RIPOR2: variants seen among roughly 807,000 people sequenced by gnomAD.
RIPOR2 encodes RHO family interacting cell polarization regulator 2, also known as rho family-interacting cell polarization regulator 2.
RIPOR2 carries 39 observed loss-of-function variants against 114.5 expected under a neutral mutation model. The observed-to-expected ratio is 0.34, with a 90% CI of 0.26 to 0.44. RIPOR2 has a LOEUF of 0.44. Among genes scored for constraint, RIPOR2 ranks in the 20% least tolerant of loss-of-function variants. RIPOR2 has a pLI of 1.00. For missense variants in RIPOR2, 1,007 were observed against 1,255.1 expected, an observed-to-expected ratio of 0.80 and a Z score of 2.99; for synonymous variants, 445 against 484.4, an observed-to-expected ratio of 0.92 and a Z score of 1.07.
At chr6:24,976,138 T>C (rs1482956319) in intron 1 of RIPOR2, among the ~76,000 whole-genome samples, 1 of 152,170 alleles carries the variant, frequency 6.6e-6, no homozygotes, top group African/African-American at 2.4e-5. Flanking sequence ...ATTCATCCTT[T>C]TGGTGGAATA....
chr6:24,855,233 C>T (rs375889871), intron 8 of RIPOR2, among the ~76,000 whole-genome samples: 4 of 151,978 alleles, frequency 2.6e-5, no homozygotes, highest in Admixed American at 2.6e-4. Context: ...AGATGATATA[C>T]TTATTTTGTA....
chr6:24,992,212 A>T (rs1410167579), intron 1 of RIPOR2, among the ~76,000 whole-genome samples: 1 of 152,196 alleles, frequency 6.6e-6, no homozygotes, highest in East Asian at 1.9e-4. Flanking sequence ...TTTGGAGTCC[A>T]CTTGGCTTGA....
rs370988814 is a variant in RIPOR2, at chr6:24,883,911, G to A, written c.62-8094C>T. Among the ~76,000 whole-genome samples the A allele has an allele frequency of 1.3e-5, 2 of 152,294 alleles. No homozygotes were observed. The highest frequency in any genetic ancestry group is 4.8e-5 in the African/African-American group (2 of 41,570). On this transcript the variant is annotated intron_variant, in intron 1 of 21. Transcript: ENST00000643898. This position sits in a 1 kb window ranked among gnomAD's most constrained non-coding sequence, Gnocchi z 4.1. ...CCCCACATCGTGGTCAAAAGCAGAT[G>A]TATAATTGACTTGTCTGAAAGAGGC... is the stretch of plus-strand genomic sequence containing the variant.
At chr6:25,003,579 A>G (rs1775416950) in intron 1 of RIPOR2, among the ~76,000 whole-genome samples, 1 of 151,868 alleles carries the variant, frequency 6.6e-6, no homozygotes, top group African/African-American at 2.4e-5. Context: ...ACATGCGTGC[A>G]CCACCACACC....
chr6:24,994,648 G>A (rs1435990008), intron 1 of RIPOR2, among the ~76,000 whole-genome samples: 1 of 152,158 alleles, frequency 6.6e-6, no homozygotes, highest in Non-Finnish European at 1.5e-5. Context: ...GATGGGACAT[G>A]GTTTGGGGTG....
intron 1 of RIPOR2, among the ~76,000 whole-genome samples, chr6:24,957,480 G>A (rs1773088625): frequency 6.6e-6 from 1 of 152,178 alleles, no homozygotes; most frequent in Admixed American, 6.5e-5. Flanking sequence ...TATCATAGGG[G>A]AAATATAGGG....
rs776373940 is a variant in RIPOR2, at chr6:24,808,979, C to T, written c.3043+738G>A. Among the ~76,000 whole-genome samples, 5 of 151,904 alleles carry T rather than the reference C, an allele frequency of 3.3e-5. No homozygotes were observed. The East Asian group carries it at 5.8e-4, about 18-fold the overall frequency. On this transcript the variant is annotated intron_variant, in intron 21 of 21. Transcript: ENST00000643898. Reference sequence around the variant, plus strand: ...TTCATCATGTTGGCCAGGCTGGTCTCGAACTCTTGACCTCAAGTGATCCAC... The same window carrying T: ...TTCATCATGTTGGCCAGGCTGGTCTTGAACTCTTGACCTCAAGTGATCCAC...
At position 24,806,327 on chromosome 6, in the gene RIPOR2, G is replaced by A; in HGVS notation, c.*46C>T. The A allele has an allele frequency of 7.6e-7, 1 of 1,308,670 alleles. No individual in the cohort carries two copies. Among genetic ancestry groups the A allele is most frequent in the Non-Finnish European group, 1.1e-6 (1 of 926,092 alleles). The allele number at this position is 1,308,670 out of a possible 1,614,324, so 81.1% of individuals were successfully genotyped here. ...GCCCAAACCACAGCACCATCCTGAT[G>A]AAAAGGGCCAGATATTAAGACAGCT... On this transcript the variant is annotated 3_prime_UTR_variant, in exon 22 of 22. Coordinates refer to ENST00000643898, the MANE Select transcript of RIPOR2 (RefSeq NM_001286445.3).
chr6:24,873,950 T>C (rs746491534), intron 2 of RIPOR2, among the ~76,000 whole-genome samples, 151 bp from the exon 3 acceptor site: 1 of 152,238 alleles, frequency 6.6e-6, no homozygotes, highest in South Asian at 2.1e-4. Context: ...CATAGCTCAC[T>C]GCAGCCTTGA....
chr6:25,024,724 G>A (rs1776521940), intron 1 of RIPOR2, among the ~76,000 whole-genome samples: 1 of 152,204 alleles, frequency 6.6e-6, no homozygotes, highest in South Asian at 2.1e-4. Context: ...CTGCAGTGCT[G>A]TTTCTCCTAA....
upstream of RIPOR2, among the ~76,000 whole-genome samples, chr6:24,939,510 C>A (rs914386590): frequency 3.3e-5 from 5 of 152,116 alleles, no homozygotes; most frequent in Non-Finnish European, 5.9e-5. Context: ...GCACTTAAAG[C>A]AGAAAGGAGA....
At chr6:25,038,926 C>G (rs1441269603) in intron 1 of RIPOR2, among the ~76,000 whole-genome samples, 6 of 152,202 alleles carry the variant, frequency 3.9e-5, no homozygotes, top group Admixed American at 3.9e-4. Flanking sequence ...AGGGCCTGGC[C>G]CCCGTGGGGA....
At chr6:24,869,022 G>T (rs548249471) in intron 6 of RIPOR2, 72 bp downstream of exon 6, 2 of 845,424 alleles carry the variant, frequency 2.4e-6, no homozygotes, top group African/African-American at 1.7e-5. Context: ...TAGATACTAC[G>T]CTCAGCCCAA....
intron 1 of RIPOR2, among the ~76,000 whole-genome samples, chr6:24,884,915 T>A (rs1284104246): frequency 2.6e-5 from 4 of 152,164 alleles, no homozygotes; most frequent in Non-Finnish European, 5.9e-5. Context: ...AATACTTAGT[T>A]TTAACTCACT....
At chr6:24,832,915 G>T (rs1357414408) in intron 15 of RIPOR2, among the ~76,000 whole-genome samples, 3 of 152,198 alleles carry the variant, frequency 2.0e-5, no homozygotes, top group African/African-American at 7.2e-5. Context: ...TTCTGTATAA[G>T]TGTTAGCTTA....
At chr6:24,997,103 T>C (rs765893273) in intron 1 of RIPOR2, among the ~76,000 whole-genome samples, 1 of 152,200 alleles carries the variant, frequency 6.6e-6, no homozygotes, top group Non-Finnish European at 1.5e-5. Context: ...GTCTGCTCAT[T>C]GGGCTCACCT....
intron 1 of RIPOR2, among the ~76,000 whole-genome samples, chr6:24,953,077 T>G (rs901328428): frequency 6.6e-6 from 1 of 152,226 alleles, no homozygotes; most frequent in Non-Finnish European, 1.5e-5. Context: ...CTCATGCCTG[T>G]AATCCCAGCA....
chr6:24,940,887 A>G (rs925948507), upstream of RIPOR2, among the ~76,000 whole-genome samples: 2 of 152,178 alleles, frequency 1.3e-5, no homozygotes, highest in African/African-American at 2.4e-5. Flanking sequence ...CTCCTGACCT[A>G]AAGTGATCTG....
chr6:24,981,809 G>A (rs1774309474), intron 1 of RIPOR2, among the ~76,000 whole-genome samples: 1 of 152,246 alleles, frequency 6.6e-6, no homozygotes, highest in South Asian at 2.1e-4. Context: ...CTACCTCACA[G>A]CCTTGCTGAA....
Sources: allele counts gnomAD v4.1 joint callset (sites outside exome capture counted in the v4.1 genomes callset), GRCh38; gene constraint gnomAD v4.1.1; non-coding constraint Gnocchi (gnomAD v3.1); transcripts MANE v1.5; gene names NCBI Gene and HGNC (gene_info 2026-07-23, HGNC 2026-07-21).